The following AFDN variants were observed in gnomAD, a reference collection of about 807,000 sequenced individuals.
AFDN encodes the protein afadin, adherens junction formation factor.
In AFDN, 68 loss-of-function variants were observed where a neutral mutation model predicts 216.6. That is an observed-to-expected ratio of 0.31 (90% confidence interval 0.26 to 0.38). The LOEUF is 0.38. AFDN is among the 10% of genes least tolerant of loss of function. AFDN has a pLI of 1.00. For synonymous variants in AFDN, 868 were observed against 853.7 expected (o/e 1.02, Z -0.29); for missense variants, 2,136 against 2,342.0 (o/e 0.91, Z 1.82).
At position 167,913,421 on chromosome 6, in the gene AFDN, C is replaced by G. The variant is rs1278045107; in HGVS notation, c.2056C>G (p.Gln686Glu). 6.5e-7 allele frequency: 1 copy of G among 1,535,796 alleles called. No homozygotes were observed. Among genetic ancestry groups the G allele is most frequent in the Admixed American group, 2.0e-5 (1 of 50,976 alleles). The change falls in exon 16 of 34, where the codon CAG (glutamine) becomes GAG (glutamate). Residue 686 changes from glutamine (Q) to glutamate (E), a missense_variant and splice_region_variant. Physicochemically the swap from Gln to Glu is conservative, Grantham distance 29. Coordinates refer to ENST00000683244, the MANE Select transcript of AFDN (RefSeq NM_001386888.1). ...TCTCCAGGAAGTAGACCAGGTTGAC[C>G]AGGTAGGACATCTGCTGGGAGCTGA... ...GVIQEVDQVD[Q>E]KQKNIAGALA...
chr6:167,826,793 G>A (rs1184532459), upstream of AFDN: 1 of 294,776 alleles, frequency 3.4e-6, no homozygotes, highest in African/African-American at 2.2e-5. Flanking sequence ...GCACCTAGTG[G>A]AGCGGCCCGG....
chr6:167,855,858 C>G (rs1782834428), intron 1 of AFDN, among the ~76,000 whole-genome samples: 2 of 152,128 alleles, frequency 1.3e-5, no homozygotes, highest in Non-Finnish European at 2.9e-5. Flanking sequence ...TGCATCATTA[C>G]TTTTCTGAGA....
intron 3 of AFDN, among the ~76,000 whole-genome samples, chr6:167,870,710 C>T (rs2128247898): frequency 6.6e-6 from 1 of 152,226 alleles, no homozygotes; most frequent in Non-Finnish European, 1.5e-5. Context: ...TTGTTTCTCA[C>T]CTTTTCAAAG....
chr6:167,876,490 T>A (rs1482274255), intron 5 of AFDN, among the ~76,000 whole-genome samples: 1 of 152,150 alleles, frequency 6.6e-6, no homozygotes, highest in Non-Finnish European at 1.5e-5. Context: ...GTAGTAAAAA[T>A]TTTTTAAAAG....
chr6:167,870,071 G>T (rs1349148669), intron 2 of AFDN, among the ~76,000 whole-genome samples: 1 of 152,160 alleles, frequency 6.6e-6, no homozygotes, highest in Non-Finnish European at 1.5e-5. Flanking sequence ...TTGATTTACA[G>T]AAATAAGCTT....
intron 8 of AFDN, among the ~76,000 whole-genome samples, chr6:167,892,105 G>T (rs1199512174): frequency 6.6e-6 from 1 of 152,166 alleles, no homozygotes; most frequent in Non-Finnish European, 1.5e-5. Flanking sequence ...ATAAATACAG[G>T]AAGTGATGGT....
chr6:167,922,108 T>G (rs1378609389), intron 21 of AFDN, among the ~76,000 whole-genome samples: 1 of 152,164 alleles, frequency 6.6e-6, no homozygotes, highest in African/African-American at 2.4e-5. Context: ...GTAGAGAAAA[T>G]GTACCGAGGA....
In AFDN at chr6:167,927,557, A is replaced by G. The variant is rs1052300718; in HGVS notation, c.3099+2466A>G. Among the ~76,000 whole-genome samples, 4 of 152,214 alleles carry G rather than the reference A, an allele frequency of 2.6e-5. No individual in the cohort carries two copies. The South Asian group carries it at 6.2e-4, about 24-fold the overall frequency. ...GGGTCTGGTGTGCAGGATGGATTAG[A>G]AGAACCTGGGACGAAAGGTGGGCAT... On this transcript the variant is annotated intron_variant, in intron 23 of 33. Coordinates refer to ENST00000683244, the MANE Select transcript of AFDN (RefSeq NM_001386888.1).
At position 167,837,384 on chromosome 6, in the gene AFDN, CTTT is replaced by C. The variant is rs544869303; in HGVS notation, c.105+10160_105+10162del. ...CTGAAGAAATGAGTTGCTTTTCAGG[CTTT>C]TTTTTTTTTTTTAACATTTTATTTT... On this transcript the variant is annotated intron_variant, in intron 1 of 33. Transcript: ENST00000683244. Among the ~76,000 whole-genome samples, 163 of 124,262 alleles carry C rather than the reference CTTT, an allele frequency of 1.3e-3. 2 individuals are homozygous for C. The highest frequency in any genetic ancestry group is 4.7e-3 in the African/African-American group (161 of 34,058). The allele number at this position is 124,262 out of a possible 152,430, so 81.5% of individuals were successfully genotyped here.
At chr6:167,931,513 A>G (rs2128555283) in intron 23 of AFDN, among the ~76,000 whole-genome samples, 1 of 152,332 alleles carries the variant, frequency 6.6e-6, no homozygotes, top group East Asian at 1.9e-4. Context: ...ACATTTTCAG[A>G]AATGAAGCAT....
intron 1 of AFDN, among the ~76,000 whole-genome samples, chr6:167,850,818 C>T (rs1035521518): frequency 2.6e-5 from 4 of 152,222 alleles, no homozygotes; most frequent in East Asian, 1.9e-4. Flanking sequence ...TTGGGTAGAT[C>T]AGTTATATCA....
intron 4 of AFDN, among the ~76,000 whole-genome samples, chr6:167,875,111 T>A (rs1157944826): frequency 6.6e-6 from 1 of 152,208 alleles, no homozygotes; most frequent in Non-Finnish European, 1.5e-5. Context: ...TGTAAACTTT[T>A]AATGATAGAT....
intron 32 of AFDN, 129 bp downstream of exon 32, chr6:167,966,174 C>A (rs1391018098): frequency 6.5e-7 from 1 of 1,534,528 alleles, no homozygotes; most frequent in African/African-American, 1.4e-5. Context: ...CTCATTCCAG[C>A]CACCCTCAGC....
At chr6:167,862,311 T>G (rs776873568) in intron 1 of AFDN, among the ~76,000 whole-genome samples, 11 of 151,992 alleles carry the variant, frequency 7.2e-5, no homozygotes, top group Non-Finnish European at 1.3e-4. Context: ...CTGTCATTAA[T>G]ATTACCTAAG....
At chr6:167,948,974 A>T (rs1391097884) in intron 29 of AFDN, among the ~76,000 whole-genome samples, 1 of 152,176 alleles carries the variant, frequency 6.6e-6, no homozygotes, top group Non-Finnish European at 1.5e-5. Context: ...AGGCACAGAG[A>T]TGTGTAGTAG....
chr6:167,950,398 C>CTGTGTG lies in AFDN; in HGVS notation c.3832-768_3832-763dup, dbSNP rs3839648. 1.4e-3 allele frequency among the ~76,000 whole-genome samples: 212 copies of CTGTGTG among 148,904 alleles called. 1 individual carries two copies. Among genetic ancestry groups the CTGTGTG allele is most frequent in the Middle Eastern group, 3.5e-3 (1 of 288 alleles). On this transcript the variant is annotated intron_variant, in intron 29 of 33. Transcript: ENST00000683244. Reference sequence around the variant, plus strand: ...AAAGTATACTCATTTTTCTCTGTGTCTGTGTGTGTGTGTGTGTGTGTGTGT... The same window carrying CTGTGTG: ...AAAGTATACTCATTTTTCTCTGTGTCTGTGTGTGTGTGTGTGTGTGTGTGTGTGTGT...
Position 167,898,439 on chromosome 6 carries a change from A to T in AFDN, c.1552A>T (p.Met518Leu), listed in dbSNP as rs77906902. ...LAKRSVDGGL[M>L]VKGPRHKPGI... ...AAAAAGATCTGTGGATGGAGGCCTG[A>T]TGGTTAAGGGCCCAAGACATAAACC... Residue 518 changes from methionine (M) to leucine (L), a missense_variant, in exon 11 of 34, where the codon ATG becomes TTG. This residue lies in a region of AFDN where 817 missense variants were observed against 965.7 expected (regional missense o/e 0.85). Coordinates refer to ENST00000683244, the MANE Select transcript of AFDN (RefSeq NM_001386888.1). 6.2e-7 allele frequency: 1 copy of T among 1,614,238 alleles called. No homozygotes were observed. The highest frequency in any genetic ancestry group is 1.7e-5 in the Admixed American group (1 of 60,028).
rs761808191 is a variant in AFDN at position 167,890,542 on chromosome 6, A to AT, written c.1010-319dup. On this transcript the variant is annotated intron_variant, in intron 7 of 33. Transcript: ENST00000683244. ...TTTATATGTATGAATGTATTTACTG[A>AT]TCATAGAGTTGTTTACTAATGTAAG... Among the ~76,000 whole-genome samples the AT allele has an allele frequency of 1.2e-3, 179 of 150,280 alleles. 1 individual carries two copies. The highest frequency in any genetic ancestry group is 2.3e-3 in the Non-Finnish European group (157 of 67,590).
chr6:167,928,141 AT>A (rs1792810275), intron 23 of AFDN, among the ~76,000 whole-genome samples: 1 of 152,218 alleles, frequency 6.6e-6, no homozygotes, highest in Non-Finnish European at 1.5e-5. Flanking sequence ...TTCAAGTCTA[AT>A]TTACTTCTGC....
Sources: allele counts gnomAD v4.1 joint callset (sites outside exome capture counted in the v4.1 genomes callset), GRCh38; gene constraint gnomAD v4.1.1; regional missense constraint gnomAD v4.1.1; transcripts MANE v1.5; gene names NCBI Gene and HGNC (gene_info 2026-07-23, HGNC 2026-07-21).